Variants in KLF12 observed in about 807,000 individuals in gnomAD.
KLF12 encodes KLF transcription factor 12.
A neutral mutation model predicts 37.8 loss-of-function variants in KLF12; 9 were observed. The observed-to-expected ratio is 0.24, with a 90% CI of 0.14 to 0.42. The LOEUF is 0.42. Ranked by LOEUF, KLF12 falls within the 10% of genes least tolerant of loss-of-function variation. The pLI is 1.00. For missense variants in KLF12, 411 were observed against 516.0 expected, an observed-to-expected ratio of 0.80 and a Z score of 1.97; for synonymous variants, 208 against 202.1, an observed-to-expected ratio of 1.03 and a Z score of -0.25.
At chr13:74,290,493 A>C in the KLF12 span, among the ~76,000 whole-genome samples, 3 of 152,234 alleles carry the variant, frequency 2.0e-5, no homozygotes, top group Admixed American at 1.3e-4. Flanking sequence ...CTCTGCGTGA[A>C]AAGGTTAATT....
At chr13:74,219,893 C>T in the KLF12 span, among the ~76,000 whole-genome samples, 2 of 152,096 alleles carry the variant, frequency 1.3e-5, no homozygotes, top group Admixed American at 6.5e-5. Context: ...CAAATGTGTC[C>T]AGGTGTAAGT....
intron 1 of KLF12, among the ~76,000 whole-genome samples, chr13:74,032,031 G>A (rs1893129298): frequency 6.6e-6 from 1 of 152,148 alleles, no homozygotes; most frequent in African/African-American, 2.4e-5. Context: ...CCAAGGCAGA[G>A]TTTCTTAATT....
the KLF12 span, among the ~76,000 whole-genome samples, chr13:74,305,735 A>G: frequency 6.6e-6 from 1 of 152,090 alleles, no homozygotes; most frequent in Non-Finnish European, 1.5e-5. Flanking sequence ...AATAAAACAT[A>G]ACACTATTTG....
the KLF12 span, among the ~76,000 whole-genome samples, chr13:74,174,326 C>T: frequency 2.1e-5 from 3 of 145,216 alleles, no homozygotes; most frequent in African/African-American, 5.2e-5. Flanking sequence ...TTTTTTCTTT[C>T]TTTCTTTTCT....
chr13:73,976,630 C>T (rs1313037088), intron 2 of KLF12, among the ~76,000 whole-genome samples: 1 of 152,120 alleles, frequency 6.6e-6, no homozygotes, highest in African/African-American at 2.4e-5. Flanking sequence ...TGTAACTCTC[C>T]TGCTTATAAT....
chr13:73,819,798 G>A (rs1883424198), intron 4 of KLF12, among the ~76,000 whole-genome samples: 1 of 152,330 alleles, frequency 6.6e-6, no homozygotes, highest in Admixed American at 6.5e-5. Flanking sequence ...CTTCAGCAAG[G>A]ACTTGAAGGA....
chr13:73,753,108 A>G (rs1346612376), intron 6 of KLF12, among the ~76,000 whole-genome samples: 1 of 151,934 alleles, frequency 6.6e-6, no homozygotes, highest in East Asian at 1.9e-4. Context: ...AGCCTGAAAC[A>G]TAAGACTCCA....
intron 5 of KLF12, among the ~76,000 whole-genome samples, chr13:73,780,295 A>G (rs1018075851): frequency 5.9e-5 from 9 of 152,070 alleles, no homozygotes. Context: ...GTTGCACGGA[A>G]AAGTTCCTTA....
At chr13:73,721,157 T>G (rs1876215704) in intron 6 of KLF12, among the ~76,000 whole-genome samples, 2 of 152,174 alleles carry the variant, frequency 1.3e-5, no homozygotes, top group Admixed American at 1.3e-4. Flanking sequence ...GTATCCCTCT[T>G]TTACAGATGA....
intron 6 of KLF12, among the ~76,000 whole-genome samples, chr13:73,748,691 G>A (rs936304132): frequency 6.6e-6 from 1 of 152,088 alleles, no homozygotes; most frequent in African/African-American, 2.4e-5. Flanking sequence ...TTTAATGGCA[G>A]GCCAAGTTAT....
At chr13:74,156,866 T>C in the KLF12 span, among the ~76,000 whole-genome samples, 1 of 152,216 alleles carries the variant, frequency 6.6e-6, no homozygotes, top group African/African-American at 2.4e-5. Flanking sequence ...GTTTTCTTTA[T>C]CTGTTCATCA....
chr13:74,248,952 G>T, the KLF12 span, among the ~76,000 whole-genome samples: 5 of 152,138 alleles, frequency 3.3e-5, no homozygotes, highest in African/African-American at 1.2e-4. Context: ...ACAATGGACA[G>T]TCAGTCTTGG....
At chr13:74,179,754 T>A in the KLF12 span, among the ~76,000 whole-genome samples, 1 of 152,316 alleles carries the variant, frequency 6.6e-6, no homozygotes, top group Non-Finnish European at 1.5e-5. Flanking sequence ...GCTTTATCCC[T>A]CTTCTTTCTA....
At chr13:74,217,714 G>T in the KLF12 span, among the ~76,000 whole-genome samples, 1 of 152,204 alleles carries the variant, frequency 6.6e-6, no homozygotes, top group Non-Finnish European at 1.5e-5. Context: ...GCGACAGAGT[G>T]AGACTCCGTC....
In KLF12 at chr13:74,058,396, A is replaced by G. The variant is rs1407509250; in HGVS notation, c.-31-63343T>C. ...TTTTGAGACAGAGTCTCGCTCTGTC[A>G]CCCAGGCTGGAGTGCAGCGGCATCA... On this transcript the variant is annotated intron_variant, in intron 1 of 7. Coordinates refer to ENST00000377669, the MANE Select transcript of KLF12 (RefSeq NM_007249.5). 8.2e-5 allele frequency among the ~76,000 whole-genome samples: 10 copies of G among 121,418 alleles called. No individual in the cohort carries two copies. The Admixed American group carries it at 9.0e-4, about 11-fold the overall frequency. The allele number at this position is 121,418 out of a possible 152,430, so 79.7% of individuals were successfully genotyped here. A position where few individuals can be genotyped will look rare whatever the true frequency, so the allele number is the denominator to read the frequency against.
At chr13:74,284,900 G>A in the KLF12 span, among the ~76,000 whole-genome samples, 3 of 152,192 alleles carry the variant, frequency 2.0e-5, no homozygotes, top group Non-Finnish European at 4.4e-5. Flanking sequence ...ATTTGAAAGT[G>A]TAAATATGTT....
At chr13:73,785,413 C>T (rs1881278319) in intron 5 of KLF12, among the ~76,000 whole-genome samples, 2 of 152,210 alleles carry the variant, frequency 1.3e-5, no homozygotes, top group South Asian at 4.2e-4. Context: ...AAAGCCTCGC[C>T]CATTTTATTT....
chr13:74,230,003 T>A, the KLF12 span, among the ~76,000 whole-genome samples: 1 of 152,288 alleles, frequency 6.6e-6, no homozygotes, highest in South Asian at 2.1e-4. Flanking sequence ...ATTACTTAGT[T>A]TCTCTGAGCT....
intron 2 of KLF12, among the ~76,000 whole-genome samples, chr13:73,984,380 G>A (rs1014730208): frequency 1.3e-5 from 2 of 152,126 alleles, no homozygotes; most frequent in African/African-American, 4.8e-5. Context: ...GCTGGTCCAC[G>A]GGATTGCCTT....
Sources: gnomAD v4.1 joint callset for allele counts (sites outside exome capture counted in the v4.1 genomes callset) on GRCh38, gnomAD v4.1.1 for gene constraint, MANE v1.5 for transcripts, NCBI Gene and HGNC (gene_info 2026-07-23, HGNC 2026-07-21) for gene names.